The following CLMP variants were observed in gnomAD, a reference collection of about 807,000 sequenced individuals.
CLMP encodes the protein CXADR-like membrane protein.
A neutral mutation model predicts 45.2 loss-of-function variants in CLMP; 27 were observed. The observed-to-expected ratio is 0.60, with a 90% CI of 0.44 to 0.82. CLMP has a LOEUF of 0.82. Ranked by LOEUF, CLMP falls within the 40% of genes least tolerant of loss-of-function variation. The probability of loss-of-function intolerance (pLI) is 0.00; values close to 1 mark genes in which losing one functional copy is unlikely to be tolerated. For synonymous variants in CLMP, 167 were observed against 171.4 expected, an observed-to-expected ratio of 0.97 and a Z score of 0.20; for missense variants, 403 against 448.4, an observed-to-expected ratio of 0.90 and a Z score of 0.91.
intron 1 of CLMP, among the ~76,000 whole-genome samples, chr11:123,192,030 G>A (rs938833989): frequency 6.6e-6 from 1 of 152,216 alleles, no homozygotes; most frequent in Non-Finnish European, 1.5e-5. Context: ...TGGCATTTGA[G>A]GTGAGACTTG....
At chr11:123,183,627 G>A (rs1861797208) in intron 1 of CLMP, among the ~76,000 whole-genome samples, 1 of 152,140 alleles carries the variant, frequency 6.6e-6, no homozygotes, top group African/African-American at 2.4e-5. Flanking sequence ...TGAGAATCCT[G>A]CATTCCATGT....
At chr11:123,131,271 T>G (rs1361694712) in intron 1 of CLMP, among the ~76,000 whole-genome samples, 1 of 152,138 alleles carries the variant, frequency 6.6e-6, no homozygotes, top group East Asian at 1.9e-4. Context: ...GCCTAGAAAT[T>G]TCTCTTGCTC....
Position 123,180,083 on chromosome 11 carries a change from A to T in CLMP, c.28+14830T>A, listed in dbSNP as rs148448381. On this transcript the variant is annotated intron_variant, in intron 1 of 6. Coordinates refer to ENST00000448775, the MANE Select transcript of CLMP (RefSeq NM_024769.5). ...AACTTATGGAGCCAGCTCTAAAGTCAGACTGCCTGGATTCAAATTCAGGCT... is the reference window on the plus strand; with the variant it reads ...AACTTATGGAGCCAGCTCTAAAGTCTGACTGCCTGGATTCAAATTCAGGCT... Among the ~76,000 whole-genome samples, 105 of 152,362 alleles carry T rather than the reference A, an allele frequency of 6.9e-4. No homozygotes were observed. The East Asian group carries it at 0.011, about 17-fold the overall frequency.
intron 1 of CLMP, among the ~76,000 whole-genome samples, chr11:123,184,557 A>C (rs1861809036): frequency 6.6e-6 from 1 of 152,268 alleles, no homozygotes; most frequent in Non-Finnish European, 1.5e-5. Context: ...AGAGGGCCTT[A>C]AACTCCATGC....
intron 1 of CLMP, among the ~76,000 whole-genome samples, chr11:123,174,612 C>G (rs1316686551): frequency 1.3e-5 from 2 of 152,208 alleles, no homozygotes; most frequent in Non-Finnish European, 2.9e-5. Flanking sequence ...TGTGTCTGGT[C>G]TCTGGGGAGA....
intron 1 of CLMP, among the ~76,000 whole-genome samples, chr11:123,158,604 T>G (rs1861445402): frequency 6.6e-6 from 1 of 152,216 alleles, no homozygotes; most frequent in Non-Finnish European, 1.5e-5. Context: ...ATTATTTTAG[T>G]TTTGCAGTAG....
chr11:123,123,229 AT>A (rs1271987364), intron 1 of CLMP, among the ~76,000 whole-genome samples: 2 of 130,332 alleles, frequency 1.5e-5, no homozygotes, highest in Non-Finnish European at 3.3e-5. Flanking sequence ...AGATCTGAAG[AT>A]TTTTTTCTTT....
At chr11:123,131,807 G>GGA (rs1272432996) in intron 1 of CLMP, among the ~76,000 whole-genome samples, 24 of 151,974 alleles carry the variant, frequency 1.6e-4, no homozygotes, top group African/African-American at 5.8e-4. Flanking sequence ...GTAGAGACGT[G>GGA]GTTTCACCAT....
intron 1 of CLMP, among the ~76,000 whole-genome samples, chr11:123,114,437 T>TCCCTCCCTCCCC: frequency 1.6e-5 from 1 of 63,834 alleles, no homozygotes; most frequent in Non-Finnish European, 3.2e-5. Context: ...CCTCCCTCCC[T>TCCCTCCCTCCCC]CCCTCCCTCC....
At position 123,166,493 on chromosome 11, in the gene CLMP, T is replaced by C. The variant is rs145089018; in HGVS notation, c.28+28420A>G. Among the ~76,000 whole-genome samples the C allele has an allele frequency of 5.2e-3, 787 of 152,350 alleles. 11 individuals are homozygous for C. Among genetic ancestry groups the C allele is most frequent in the African/African-American group, 0.018 (751 of 41,576 alleles). On this transcript the variant is annotated intron_variant, in intron 1 of 6. Coordinates refer to ENST00000448775, the MANE Select transcript of CLMP (RefSeq NM_024769.5). ...TAACCACAGACAGCCTGCCTGCCTC[T>C]TGGGCCTTGTTTAAACAAGATGAGA... is the stretch of plus-strand genomic sequence containing the variant.
chr11:123,132,262 G>A (rs974821091), intron 1 of CLMP, among the ~76,000 whole-genome samples: 1 of 152,086 alleles, frequency 6.6e-6, no homozygotes, highest in Non-Finnish European at 1.5e-5. Flanking sequence ...CCGGTGAGTG[G>A]GCAGCTGCCC....
At chr11:123,139,105 G>C (rs1246346441) in intron 1 of CLMP, among the ~76,000 whole-genome samples, 1 of 152,126 alleles carries the variant, frequency 6.6e-6, no homozygotes, top group Non-Finnish European at 1.5e-5. Flanking sequence ...GTGTATGGCG[G>C]CTTTCACACT....
chr11:123,074,965 T>G lies in CLMP; in HGVS notation c.680-122A>C, dbSNP rs926551226. The G allele has an allele frequency of 9.3e-4, 1,145 of 1,236,216 alleles. 16 individuals are homozygous for G. In the African/African-American group the frequency reaches 0.016, roughly 17 times the overall value. 76.6% of individuals were successfully genotyped at this position (1,236,216 alleles called of 1,614,324 possible). On this transcript the variant is annotated intron_variant, in intron 5 of 6. Transcript: ENST00000448775. The stretch of plus-strand genomic sequence containing the variant: ...TTGCAGGTTTGTTTGTTTTGTTTTT[T>G]TTTTTTTGAGACGGAGTTTCACTCT...
At chr11:123,118,953 CT>C (rs1332453777) in intron 1 of CLMP, among the ~76,000 whole-genome samples, 1 of 26,598 alleles carries the variant, frequency 3.8e-5, no homozygotes, top group Non-Finnish European at 7.3e-5. Context: ...TTCTTTCTTT[CT>C]TTCTTTCTTT....
intron 1 of CLMP, among the ~76,000 whole-genome samples, chr11:123,172,039 T>C (rs1204451474): frequency 1.3e-5 from 2 of 152,182 alleles, no homozygotes; most frequent in Non-Finnish European, 2.9e-5. Context: ...TTACTCAACA[T>C]TATATTATGA....
At chr11:123,130,257 C>T (rs575652507) in intron 1 of CLMP, among the ~76,000 whole-genome samples, 103 of 152,176 alleles carry the variant, frequency 6.8e-4, no homozygotes, top group African/African-American at 2.5e-3. Context: ...GTAACTGCCC[C>T]GAGAGGCCTC....
At chr11:123,100,846 G>A (rs934508539) in intron 1 of CLMP, among the ~76,000 whole-genome samples, 2 of 151,590 alleles carry the variant, frequency 1.3e-5, no homozygotes, top group African/African-American at 4.9e-5. Flanking sequence ...TCAGGGCTTG[G>A]CATCCTCCCC....
At chr11:123,144,298 T>C (rs1245554952) in intron 1 of CLMP, among the ~76,000 whole-genome samples, 1 of 152,252 alleles carries the variant, frequency 6.6e-6, no homozygotes, top group African/African-American at 2.4e-5. Context: ...CTGCAATGCA[T>C]TGTAGATGCA....
intron 1 of CLMP, among the ~76,000 whole-genome samples, chr11:123,147,361 G>A (rs1422083689): frequency 6.6e-6 from 1 of 152,064 alleles, no homozygotes; most frequent in Non-Finnish European, 1.5e-5. Flanking sequence ...TCCTGCCTGT[G>A]GCCCCATGGT....
Sources: allele counts gnomAD v4.1 joint callset (sites outside exome capture counted in the v4.1 genomes callset), GRCh38; gene constraint gnomAD v4.1.1; transcripts MANE v1.5; gene names NCBI Gene and HGNC (gene_info 2026-07-23, HGNC 2026-07-21).